SCMH1: variants seen among roughly 807,000 people sequenced by gnomAD.
SCMH1 encodes polycomb protein SCMH1.
A neutral mutation model predicts 70.8 loss-of-function variants in SCMH1; 37 were observed. That is an observed-to-expected ratio of 0.52 (90% CI 0.40 to 0.69). The LOEUF is 0.69. Among genes scored for constraint, SCMH1 ranks in the 30% least tolerant of loss-of-function variants. The pLI is 0.00. For synonymous variants in SCMH1, 292 were observed against 307.4 expected (o/e 0.95, Z 0.52); for missense variants, 607 against 827.3 (o/e 0.73, Z 3.27).
At chr1:41,142,075 A>G (rs1291761585) in intron 6 of SCMH1, among the ~76,000 whole-genome samples, 2 of 152,226 alleles carry the variant, frequency 1.3e-5, no homozygotes, top group Non-Finnish European at 2.9e-5. Context: ...TTACATGAGC[A>G]TTCACTATGC....
rs1191500168 is a variant in SCMH1, at chr1:41,069,977, A to G, written c.1105+618T>C. 3.3e-5 allele frequency among the ~76,000 whole-genome samples: 5 copies of G among 152,240 alleles called. No individual in the cohort carries two copies. The East Asian group carries it at 9.6e-4, about 29-fold the overall frequency. On this transcript the variant is annotated intron_variant, in intron 10 of 14. Transcript: ENST00000337495. ...GAAGATGGAGTGTCTGCTGAGTAAC[A>G]GAATAGGGTTTCACACATTTATCTT...
chr1:41,150,660 G>C (rs1033756297), intron 5 of SCMH1, among the ~76,000 whole-genome samples: 1 of 152,016 alleles, frequency 6.6e-6, no homozygotes, highest in Non-Finnish European at 1.5e-5. Context: ...TCTATGGCCG[G>C]GCACGGTGGC....
At chr1:41,188,175 C>A (rs906447495) in intron 1 of SCMH1, among the ~76,000 whole-genome samples, 3 of 152,040 alleles carry the variant, frequency 2.0e-5, no homozygotes, top group Non-Finnish European at 2.9e-5. Flanking sequence ...CTTAGGAACA[C>A]CCTAGAAAAT....
At chr1:41,138,853 T>C (rs1643764828) in intron 6 of SCMH1, among the ~76,000 whole-genome samples, 1 of 152,228 alleles carries the variant, frequency 6.6e-6, no homozygotes, top group African/African-American at 2.4e-5. Context: ...TTTCTTCATA[T>C]TGAAGCTTTT....
chr1:41,143,257 A>G (rs1644258775), intron 5 of SCMH1, 145 bp from the exon 6 acceptor site: 1 of 632,250 alleles, frequency 1.6e-6, no homozygotes, highest in Non-Finnish European at 2.7e-6. Context: ...TGCAAAAGAA[A>G]CAATGAAAGA....
At chr1:41,168,088 G>C (rs886687683) in intron 2 of SCMH1, among the ~76,000 whole-genome samples, 8 of 151,888 alleles carry the variant, frequency 5.3e-5, no homozygotes, top group African/African-American at 9.7e-5. Flanking sequence ...ATTATAACTT[G>C]CTTTGGTGTG....
intron 1 of SCMH1, among the ~76,000 whole-genome samples, chr1:41,207,214 T>C (rs931573597): frequency 2.6e-5 from 4 of 152,150 alleles, no homozygotes; most frequent in Non-Finnish European, 5.9e-5. Context: ...GTAAATGGGC[T>C]AAATGCCCCA....
chr1:41,162,057 G>A (rs1646077820), intron 2 of SCMH1, among the ~76,000 whole-genome samples: 3 of 152,118 alleles, frequency 2.0e-5, no homozygotes, highest in Admixed American at 2.0e-4. Flanking sequence ...TGCAGCTGCA[G>A]CCACCCAAAC....
intron 9 of SCMH1, among the ~76,000 whole-genome samples, chr1:41,074,963 C>T (rs957657096): frequency 2.0e-5 from 3 of 152,178 alleles, no homozygotes; most frequent in Admixed American, 6.5e-5. Context: ...CCCGGGTTCA[C>T]GTCATTCTCC....
At chr1:41,208,851 T>C (rs1291366152) in intron 1 of SCMH1, among the ~76,000 whole-genome samples, 1 of 152,058 alleles carries the variant, frequency 6.6e-6, no homozygotes, top group East Asian at 1.9e-4. Flanking sequence ...ATTCAAAAGC[T>C]AGCGGAAGGC....
At chr1:41,177,568 T>G (rs1024479171) in intron 2 of SCMH1, among the ~76,000 whole-genome samples, 1 of 152,064 alleles carries the variant, frequency 6.6e-6, no homozygotes, top group Non-Finnish European at 1.5e-5. Flanking sequence ...CTGAAAACCA[T>G]GGCATGAGAA....
chr1:41,213,794 T>C (rs1312363119), intron 1 of SCMH1, among the ~76,000 whole-genome samples: 1 of 152,152 alleles, frequency 6.6e-6, no homozygotes, highest in Non-Finnish European at 1.5e-5. Flanking sequence ...TATGCTTTTC[T>C]CTTGTTAATA....
At chr1:41,236,641 GAT>G (rs1041052417) in intron 1 of SCMH1, among the ~76,000 whole-genome samples, 1 of 152,128 alleles carries the variant, frequency 6.6e-6, no homozygotes, top group Non-Finnish European at 1.5e-5. Context: ...CTGCCCTTTG[GAT>G]ACCAAATTCC....
At chr1:41,055,924 C>T (rs1650098676) in intron 10 of SCMH1, among the ~76,000 whole-genome samples, 1 of 152,178 alleles carries the variant, frequency 6.6e-6, no homozygotes, top group East Asian at 1.9e-4. Flanking sequence ...TCTGATGGGG[C>T]ATCTTGTGAG....
At chr1:41,092,113 C>T (rs1361381480) in intron 8 of SCMH1, among the ~76,000 whole-genome samples, 1 of 152,182 alleles carries the variant, frequency 6.6e-6, no homozygotes, top group Non-Finnish European at 1.5e-5. Flanking sequence ...CGCTACCTGA[C>T]TTCAAACAAT....
intron 10 of SCMH1, among the ~76,000 whole-genome samples, chr1:41,058,070 T>C (rs1651082046): frequency 6.8e-6 from 1 of 146,798 alleles, no homozygotes; most frequent in Non-Finnish European, 1.5e-5. Context: ...TGCAGTGAGC[T>C]GTGACTGCAC....
chr1:41,195,576 A>T (rs1289005052), intron 1 of SCMH1, among the ~76,000 whole-genome samples: 2 of 152,206 alleles, frequency 1.3e-5, no homozygotes, highest in African/African-American at 4.8e-5. Flanking sequence ...AACATAATAA[A>T]GGCCATATAT....
intron 6 of SCMH1, among the ~76,000 whole-genome samples, chr1:41,119,382 A>G (rs1471232049): frequency 2.6e-5 from 4 of 151,686 alleles, no homozygotes; most frequent in Admixed American, 6.6e-5. Context: ...CTATCACTCA[A>G]TCTAAAACTG....
intron 1 of SCMH1, among the ~76,000 whole-genome samples, chr1:41,204,507 T>G (rs1655059313): frequency 6.6e-6 from 1 of 152,196 alleles, no homozygotes; most frequent in African/African-American, 2.4e-5. Context: ...TCTCACCTTT[T>G]GCTTTGCTCC....
Sources: allele counts gnomAD v4.1 joint callset (sites outside exome capture counted in the v4.1 genomes callset), GRCh38; gene constraint gnomAD v4.1.1; transcripts MANE v1.5; gene names NCBI Gene and HGNC (gene_info 2026-07-23, HGNC 2026-07-21).